The following LHX9 variants were observed in gnomAD, a reference collection of about 807,000 sequenced individuals.
LHX9 encodes LIM/homeobox protein Lhx9.
LHX9 carries 9 observed loss-of-function variants against 36.5 expected under a neutral mutation model. The ratio of observed to expected loss-of-function variants is 0.25; its 90% confidence interval spans 0.15 to 0.43. The LOEUF is 0.43. LHX9 is among the 20% of genes least tolerant of loss of function. LHX9 has a pLI of 1.00. For synonymous variants in LHX9, 211 were observed against 212.1 expected, an observed-to-expected ratio of 0.99 and a Z score of 0.04; for missense variants, 464 against 526.4, an observed-to-expected ratio of 0.88 and a Z score of 1.16.
At chr1:197,922,682 T>C (rs1003542696) in intron 3 of LHX9, among the ~76,000 whole-genome samples, 9 of 152,194 alleles carry the variant, frequency 5.9e-5, no homozygotes, top group African/African-American at 2.2e-4. Flanking sequence ...GCTTTGGCTT[T>C]CAGTGCCCTG....
At chr1:197,919,879 C>G (rs1659912732) in intron 1 of LHX9, 93 bp from the exon 2 acceptor site, 1 of 1,322,158 alleles carries the variant, frequency 7.6e-7, no homozygotes, top group Non-Finnish European at 1.1e-6. Context: ...GCTCTCCCTG[C>G]ACACCCTGGG....
chr1:197,927,278 T>G (rs768822853), intron 3 of LHX9, among the ~76,000 whole-genome samples: 3 of 152,206 alleles, frequency 2.0e-5, no homozygotes, highest in African/African-American at 7.2e-5. Flanking sequence ...CTCTCGTAGG[T>G]CTCTCTCACT....
chr1:197,917,851 G>T lies in LHX9; in HGVS notation c.28G>T (p.Asp10Tyr). The change falls in exon 1 of 5, where the codon GAC becomes TAC. Residue 10 changes from aspartate to tyrosine, a missense_variant. Transcript: ENST00000367387. Reference protein sequence around the residue: MEIVGCRAEDNSCPFRPPAM... With the variant: MEIVGCRAEYNSCPFRPPAM... ...GGAAATAGTGGGGTGCCGAGCAGAA[G>T]ACAACTCGTGTCCTTTCCGCCCCCC... 1 of 1,614,234 alleles carries T rather than the reference G, an allele frequency of 6.2e-7. No individual in the cohort carries two copies. The highest frequency in any genetic ancestry group is 8.5e-7 in the Non-Finnish European group (1 of 1,180,044).
chr1:197,919,853 G>A (rs1659911764), intron 1 of LHX9, 119 bp from the exon 2 acceptor site: 4 of 928,100 alleles, frequency 4.3e-6, no homozygotes, highest in Non-Finnish European at 4.9e-6. Flanking sequence ...TTGTGCAGTG[G>A]ACCCTGGCCC....
intron 1 of LHX9, chr1:197,918,584 C>A (rs1008374379): frequency 1.1e-5 from 6 of 564,418 alleles, no homozygotes; most frequent in Admixed American, 3.0e-5. Context: ...CTACGTTTAG[C>A]GCCAGGACCC....
Position 197,929,952 on chromosome 1 carries a change from A to C in LHX9, c.*693A>C. ...CTTTTTACTTGGTTATTTGTTTTTC[A>C]ACATTTGAAAAATACTTAAGCTCCC... is the stretch of plus-strand genomic sequence containing the variant. On this transcript the variant is annotated 3_prime_UTR_variant, in exon 5 of 5. Transcript: ENST00000367387. The C allele has an allele frequency of 2.0e-6, 2 of 984,330 alleles. No homozygotes were observed. The highest frequency in any genetic ancestry group is 2.4e-6 in the Non-Finnish European group (2 of 828,788). The allele number at this position is 984,330 out of a possible 1,614,324, so 61.0% of individuals were successfully genotyped here.
chr1:197,914,269 A>G (rs1468746032), upstream of LHX9, among the ~76,000 whole-genome samples: 1 of 152,164 alleles, frequency 6.6e-6, no homozygotes, highest in African/African-American at 2.4e-5. Flanking sequence ...GAGACTTAAG[A>G]TCTTATCCCC....
Position 197,921,396 on chromosome 1 carries a change from G to C in LHX9, c.470G>C (p.Ser157Thr). The change falls in exon 3 of 5, where the codon AGC becomes ACC. Residue 157 changes from serine (S) to threonine (T), a missense_variant. This residue lies in a region of LHX9 where 93 missense variants were observed against 150.3 expected (regional missense o/e 0.62). Transcript: ENST00000367387. The surrounding 1 kb of genome is among the most constrained non-coding windows in gnomAD (Gnocchi z 4.6). ...GCCCGAGACTCTGTCTACCACCTGA[G>C]CTGCTTCACCTGCTCCACTTGCAAC... ...MRARDSVYHL[S>T]CFTCSTCNKT... The C allele has an allele frequency of 6.2e-7, 1 of 1,614,210 alleles. No individual in the cohort carries two copies. Among genetic ancestry groups the C allele is most frequent in the Non-Finnish European group, 8.5e-7 (1 of 1,180,046 alleles).
At chr1:197,915,445 C>T (rs1352519390), upstream of LHX9, among the ~76,000 whole-genome samples, 4 of 152,164 alleles carry the variant, frequency 2.6e-5, no homozygotes, top group Non-Finnish European at 4.4e-5. Flanking sequence ...CTTGTGTGCA[C>T]GTGGGTTTGA....
At position 197,933,608 on chromosome 1, in the gene LHX9, C is replaced by T. The variant is rs1660382242; in HGVS notation, c.*4349C>T. The T allele has an allele frequency of 6.6e-6, 1 of 151,988 alleles. No homozygotes were observed. Among genetic ancestry groups the T allele is most frequent in the African/African-American group, 2.4e-5 (1 of 41,400 alleles). The allele number at this position is 151,988 out of a possible 1,614,324, so 9.4% of individuals were successfully genotyped here. ...CATTTAGAAGTATTTTGGAACTTCGCCTGGTTTTACAGACCTTTAAATATT... is the reference window on the plus strand; with the variant it reads ...CATTTAGAAGTATTTTGGAACTTCGTCTGGTTTTACAGACCTTTAAATATT... On this transcript the variant is annotated 3_prime_UTR_variant, in exon 5 of 5. Coordinates refer to ENST00000367387, the MANE Select transcript of LHX9 (RefSeq NM_020204.3).
chr1:197,919,934 C>G, intron 1 of LHX9, 38 bp from the exon 2 acceptor site: 1 of 1,603,530 alleles, frequency 6.2e-7, no homozygotes, highest in East Asian at 2.2e-5. Flanking sequence ...GGCTACACCG[C>G]GCGCCCTCCT....
At chr1:197,916,010 C>G (rs1659737313), upstream of LHX9, 1 of 152,128 alleles carries the variant, frequency 6.6e-6, no homozygotes, top group Admixed American at 6.6e-5. Context: ...TGCCAGGACA[C>G]AGGCACCGCA....
At chr1:197,920,298 GACCAGGCAA>G in intron 2 of LHX9, 124 bp downstream of exon 2, 1 of 649,000 alleles carries the variant, frequency 1.5e-6, no homozygotes, top group Admixed American at 2.3e-5. Flanking sequence ...TCATTTCGGA[GACCAGGCAA>G]ACCCACTGCA....
Position 197,917,666 on chromosome 1 carries a change from C to T in LHX9, c.-158C>T, listed in dbSNP as rs1659811125. On this transcript the variant is annotated 5_prime_UTR_variant, in exon 1 of 5. Coordinates refer to ENST00000367387, the MANE Select transcript of LHX9 (RefSeq NM_020204.3). The stretch of plus-strand genomic sequence containing the variant: ...CCCAGTTCTTTTTGCTTCCCCTCGG[C>T]CCCCCAAGCAGACCGATTTCCACTC... The T allele has an allele frequency of 1.2e-5, 18 of 1,540,628 alleles. No individual in the cohort carries two copies. Among genetic ancestry groups the T allele is most frequent in the Middle Eastern group, 3.6e-4 (2 of 5,594 alleles).
At chr1:197,920,478 C>G (rs759103889) in intron 2 of LHX9, among the ~76,000 whole-genome samples, 49 of 152,136 alleles carry the variant, frequency 3.2e-4, no homozygotes, top group Non-Finnish European at 5.6e-4. Context: ...GACGTGGTCT[C>G]CGTCTACCGA....
chr1:197,914,592 C>T (rs901065454), upstream of LHX9, among the ~76,000 whole-genome samples: 2 of 152,158 alleles, frequency 1.3e-5, no homozygotes, highest in African/African-American at 4.8e-5. Context: ...CAGGGTCACA[C>T]ACCCAATTCG....
At position 197,929,852 on chromosome 1, in the gene LHX9, T is replaced by C; in HGVS notation, c.*593T>C. On this transcript the variant is annotated 3_prime_UTR_variant, in exon 5 of 5. Transcript: ENST00000367387. ...CATTAACTACAGACATTTTAAATAGTAATGATTAATTAGGTGAGAAATCTA... is the reference window on the plus strand; with the variant it reads ...CATTAACTACAGACATTTTAAATAGCAATGATTAATTAGGTGAGAAATCTA... 1 of 952,370 alleles carries C rather than the reference T, an allele frequency of 1.1e-6. No individual in the cohort carries two copies. Among genetic ancestry groups the C allele is most frequent in the Non-Finnish European group, 1.3e-6 (1 of 799,684 alleles). 59.0% of individuals were successfully genotyped at this position (952,370 alleles called of 1,614,324 possible). A position where few individuals can be genotyped will look rare whatever the true frequency, so the allele number is the denominator to read the frequency against.
upstream of LHX9, chr1:197,916,527 C>A (rs1000188878): frequency 6.5e-6 from 4 of 611,282 alleles, no homozygotes; most frequent in Admixed American, 1.1e-4. Context: ...TTAGAATCTC[C>A]GGCAACCTTC....
Position 197,929,354 on chromosome 1 carries a change from C to A in LHX9, c.*95C>A. The A allele has an allele frequency of 8.5e-7, 1 of 1,170,934 alleles. No homozygotes were observed. Among genetic ancestry groups the A allele is most frequent in the Non-Finnish European group, 1.0e-6 (1 of 954,870 alleles). The allele number at this position is 1,170,934 out of a possible 1,614,324, so 72.5% of individuals were successfully genotyped here. On this transcript the variant is annotated 3_prime_UTR_variant, in exon 5 of 5. Coordinates refer to ENST00000367387, the MANE Select transcript of LHX9 (RefSeq NM_020204.3). ...TTATTATTTACAAGACTTTTTTTTT[C>A]TTCTAACCCACAAGATATTTGGGGA...
Sources: gnomAD v4.1 joint callset for allele counts (sites outside exome capture counted in the v4.1 genomes callset) on GRCh38, gnomAD v4.1.1 for gene constraint, gnomAD v4.1.1 regional missense constraint, Gnocchi (gnomAD v3.1) non-coding constraint, MANE v1.5 for transcripts, NCBI Gene and HGNC (gene_info 2026-07-23, HGNC 2026-07-21) for gene names.